TMEM117: variants seen among roughly 807,000 people sequenced by gnomAD.
The protein encoded by TMEM117 is transmembrane protein 117.
A neutral mutation model predicts 52.4 loss-of-function variants in TMEM117; 27 were observed. That is an observed-to-expected ratio of 0.51 (90% CI 0.38 to 0.71). The LOEUF (loss-of-function observed/expected upper bound fraction) is 0.71, where lower values mean the gene tolerates loss of function less well. Ranked by LOEUF, TMEM117 falls within the 30% of genes least tolerant of loss-of-function variation. The probability of loss-of-function intolerance (pLI) is 0.00; values close to 1 mark genes in which losing one functional copy is unlikely to be tolerated. For missense variants in TMEM117, 556 were observed against 630.5 expected (o/e 0.88, Z 1.26); for synonymous variants, 215 against 206.3 (o/e 1.04, Z -0.36).
intron 6 of TMEM117, among the ~76,000 whole-genome samples, chr12:44,317,466 C>T (rs60227263): frequency 0.039 from 5,941 of 152,040 alleles, 387 homozygotes; most frequent in African/African-American, 0.14. Flanking sequence ...GCAATCTCAG[C>T]TTACTGAAAC....
intron 5 of TMEM117, among the ~76,000 whole-genome samples, chr12:44,282,224 A>G (rs1302680449): frequency 6.6e-6 from 1 of 152,184 alleles, no homozygotes; most frequent in African/African-American, 2.4e-5. Flanking sequence ...TCCCCGTCTC[A>G]GGTATGTCAG....
chr12:44,278,372 T>C (rs1001708728), intron 5 of TMEM117, among the ~76,000 whole-genome samples: 2 of 152,184 alleles, frequency 1.3e-5, no homozygotes, highest in African/African-American at 4.8e-5. Flanking sequence ...TGTCTTACAG[T>C]CTTCTATTCT....
intron 2 of TMEM117, among the ~76,000 whole-genome samples, chr12:43,893,430 C>A (rs1292225008): frequency 1.3e-5 from 2 of 152,150 alleles, no homozygotes; most frequent in African/African-American, 4.8e-5. Flanking sequence ...AGTTCAGATA[C>A]CTTCAAGGCA....
At chr12:44,218,792 A>G (rs1019005247) in intron 5 of TMEM117, among the ~76,000 whole-genome samples, 2 of 152,182 alleles carry the variant, frequency 1.3e-5, no homozygotes, top group African/African-American at 4.8e-5. Flanking sequence ...ACTATCATTC[A>G]GTGCTTCCTG....
chr12:43,895,597 CATT>C lies in TMEM117; in HGVS notation c.278-48609_278-48607del, dbSNP rs374544014. Among the ~76,000 whole-genome samples the C allele has an allele frequency of 3.9e-5, 6 of 152,290 alleles. No homozygotes were observed. In the East Asian group the frequency reaches 1.2e-3, roughly 29 times the overall value. The stretch of plus-strand genomic sequence containing the variant: ...GTGAATGACACCATCTTCAATACAA[CATT>C]ATTTAATTCACATATCAAAACAACT... On this transcript the variant is annotated intron_variant, in intron 2 of 7. Coordinates refer to ENST00000266534, the MANE Select transcript of TMEM117 (RefSeq NM_032256.3).
At chr12:44,118,610 G>A (rs1212541795) in intron 3 of TMEM117, among the ~76,000 whole-genome samples, 1 of 152,126 alleles carries the variant, frequency 6.6e-6, no homozygotes, top group Non-Finnish European at 1.5e-5. Flanking sequence ...CATGTTATTG[G>A]CTTATCCCTA....
At chr12:43,939,837 CTT>C (rs1328010406) in intron 2 of TMEM117, among the ~76,000 whole-genome samples, 15 of 152,338 alleles carry the variant, frequency 9.8e-5, no homozygotes, top group African/African-American at 3.6e-4. Context: ...TTAATCGACT[CTT>C]AATTCCACAT....
chr12:44,134,990 G>A (rs1327081610), intron 3 of TMEM117, among the ~76,000 whole-genome samples: 1 of 151,930 alleles, frequency 6.6e-6, no homozygotes, highest in Non-Finnish European at 1.5e-5. Flanking sequence ...TCTCTCCTTT[G>A]CATATGTCAG....
intron 4 of TMEM117, among the ~76,000 whole-genome samples, chr12:44,199,874 T>C (rs535830246): frequency 3.9e-5 from 6 of 152,186 alleles, no homozygotes; most frequent in African/African-American, 9.6e-5. Context: ...TACCAGCACA[T>C]TGGGAGGCCG....
intron 3 of TMEM117, among the ~76,000 whole-genome samples, chr12:44,135,034 C>T (rs1490458835): frequency 6.6e-6 from 1 of 152,194 alleles, no homozygotes; most frequent in Non-Finnish European, 1.5e-5. Context: ...CTCTCACTCT[C>T]TGCCACTCTC....
At chr12:44,258,888 C>T (rs1370197783) in intron 5 of TMEM117, among the ~76,000 whole-genome samples, 1 of 152,060 alleles carries the variant, frequency 6.6e-6, no homozygotes, top group Non-Finnish European at 1.5e-5. Flanking sequence ...CTACTGAGCA[C>T]TTGAAATTTG....
intron 4 of TMEM117, among the ~76,000 whole-genome samples, chr12:44,209,762 A>G (rs534375925): frequency 6.6e-6 from 1 of 152,276 alleles, no homozygotes; most frequent in South Asian, 2.1e-4. Flanking sequence ...GAGAAATAAT[A>G]TGAAGAATTA....
intron 4 of TMEM117, among the ~76,000 whole-genome samples, chr12:44,175,615 G>A (rs1265233307): frequency 6.6e-6 from 1 of 152,200 alleles, no homozygotes; most frequent in Non-Finnish European, 1.5e-5. Context: ...TGAGCAGAGA[G>A]TATGGAGTTA....
At chr12:43,921,211 A>C (rs2137556405) in intron 2 of TMEM117, among the ~76,000 whole-genome samples, 1 of 152,304 alleles carries the variant, frequency 6.6e-6, no homozygotes, top group African/African-American at 2.4e-5. Context: ...ACCCGTCTCT[A>C]GCCTAGAAGC....
chr12:44,040,851 A>G (rs1946785899), intron 3 of TMEM117, among the ~76,000 whole-genome samples: 1 of 152,200 alleles, frequency 6.6e-6, no homozygotes, highest in Non-Finnish European at 1.5e-5. Flanking sequence ...ATTTCATAGC[A>G]TGATTATTCT....
intron 3 of TMEM117, among the ~76,000 whole-genome samples, chr12:44,093,733 G>A (rs1310298322): frequency 6.6e-6 from 1 of 151,934 alleles, no homozygotes; most frequent in Non-Finnish European, 1.5e-5. Context: ...ATGCTACTAA[G>A]AGACAGAATC....
intron 3 of TMEM117, among the ~76,000 whole-genome samples, chr12:44,101,545 CA>C (rs201597785): frequency 0.019 from 2,856 of 152,032 alleles, 42 homozygotes; most frequent in Middle Eastern, 0.037. Flanking sequence ...GCTTGTTGGG[CA>C]TAAGTCTCTC....
At chr12:44,317,839 A>G (rs897663890) in intron 6 of TMEM117, among the ~76,000 whole-genome samples, 1 of 152,162 alleles carries the variant, frequency 6.6e-6, no homozygotes, top group African/African-American at 2.4e-5. Flanking sequence ...TGAACTGTTT[A>G]GTGCACAGTG....
chr12:44,348,786 A>C (rs1951525062), intron 6 of TMEM117, among the ~76,000 whole-genome samples: 1 of 151,930 alleles, frequency 6.6e-6, no homozygotes, highest in African/African-American at 2.4e-5. Context: ...ATAAAACCTC[A>C]AGACATAGAA....
Sources: gnomAD v4.1 joint callset for allele counts (sites outside exome capture counted in the v4.1 genomes callset) on GRCh38, gnomAD v4.1.1 for gene constraint, MANE v1.5 for transcripts, NCBI Gene and HGNC (gene_info 2026-07-23, HGNC 2026-07-21) for gene names.